Variants in DRGX observed in about 807,000 individuals in gnomAD.
DRGX encodes dorsal root ganglia homeobox protein.
A neutral mutation model predicts 28.6 loss-of-function variants in DRGX; 21 were observed. The ratio of observed to expected loss-of-function variants is 0.73; its 90% CI spans 0.52 to 1.06. The LOEUF (loss-of-function observed/expected upper bound fraction) is 1.06, where lower values mean the gene tolerates loss of function less well. DRGX is among the 50% of genes least tolerant of loss of function. DRGX has a pLI of 0.00. For synonymous variants in DRGX, 136 were observed against 139.1 expected, an observed-to-expected ratio of 0.98 and a Z score of 0.16; for missense variants, 354 against 343.9, an observed-to-expected ratio of 1.03 and a Z score of -0.23.
chr10:49,364,565 A>C lies in DRGX; in HGVS notation c.*1551T>G, dbSNP rs577649512. On this transcript the variant is annotated 3_prime_UTR_variant, in exon 7 of 7. Coordinates refer to ENST00000374139, the MANE Select transcript of DRGX (RefSeq NM_001276451.2). ...GGGCTTGAGCTTACATCCTTCAACC[A>C]AACATTCGTAATTACAGGGAAACGG... 7 of 152,322 alleles carry C rather than the reference A, an allele frequency of 4.6e-5. No individual in the cohort carries two copies. Among genetic ancestry groups the C allele is most frequent in the African/African-American group, 1.7e-4 (7 of 41,570 alleles). The allele number at this position is 152,322 out of a possible 1,614,324, so 9.4% of individuals were successfully genotyped here. A position where few individuals can be genotyped will look rare whatever the true frequency, so the allele number is the denominator to read the frequency against.
chr10:49,385,266 G>T (rs1417482159), intron 6 of DRGX, among the ~76,000 whole-genome samples: 2 of 152,128 alleles, frequency 1.3e-5, no homozygotes, highest in Non-Finnish European at 2.9e-5. Context: ...TGAGCCAGGG[G>T]ATGCACCCAG....
chr10:49,394,754 G>C (rs375525872), intron 2 of DRGX, among the ~76,000 whole-genome samples: 1 of 152,238 alleles, frequency 6.6e-6, no homozygotes, highest in African/African-American at 2.4e-5. Flanking sequence ...GACACTCAAA[G>C]ATGGAAATTC....
At position 49,365,495 on chromosome 10, in the gene DRGX, T is replaced by C. The variant is rs1474539431; in HGVS notation, c.*621A>G. ...GGCCAGATGTGCCAGTGAGATCTCCTGGGTCAGAGCCACCGTGGTCCTCTG... is the reference window on the plus strand; with the variant it reads ...GGCCAGATGTGCCAGTGAGATCTCCCGGGTCAGAGCCACCGTGGTCCTCTG... On this transcript the variant is annotated 3_prime_UTR_variant, in exon 7 of 7. Coordinates refer to ENST00000374139, the MANE Select transcript of DRGX (RefSeq NM_001276451.2). 5 of 152,332 alleles carry C rather than the reference T, an allele frequency of 3.3e-5. No individual in the cohort carries two copies. The highest frequency in any genetic ancestry group is 7.3e-5 in the Non-Finnish European group (5 of 68,112). 9.4% of individuals were successfully genotyped at this position (152,332 alleles called of 1,614,324 possible).
intron 6 of DRGX, among the ~76,000 whole-genome samples, chr10:49,367,544 C>A (rs1351679592): frequency 6.6e-6 from 1 of 152,138 alleles, no homozygotes; most frequent in Non-Finnish European, 1.5e-5. Flanking sequence ...TGCTTATGGC[C>A]CACAGGTGTC....
chr10:49,390,784 C>T (rs1328390423), intron 3 of DRGX, among the ~76,000 whole-genome samples: 4 of 150,572 alleles, frequency 2.7e-5, no homozygotes, highest in Non-Finnish European at 5.9e-5. Context: ...GCAACTATAC[C>T]TTATCCAAGT....
chr10:49,379,891 C>A (rs1208169942), intron 6 of DRGX, among the ~76,000 whole-genome samples: 1 of 152,250 alleles, frequency 6.6e-6, no homozygotes, highest in African/African-American at 2.4e-5. Flanking sequence ...CAGACTCCAG[C>A]CTATCTGTCC....
At chr10:49,383,634 G>A (rs1397941815) in intron 6 of DRGX, among the ~76,000 whole-genome samples, 3 of 152,216 alleles carry the variant, frequency 2.0e-5, no homozygotes. Context: ...TTGAAATCTT[G>A]TGATGGCGTT....
In DRGX at chr10:49,386,868, A is replaced by G; in HGVS notation, c.235-10T>C. The G allele has an allele frequency of 1.3e-6, 2 of 1,536,352 alleles. No individual in the cohort carries two copies. The highest frequency in any genetic ancestry group is 1.7e-6 in the Non-Finnish European group (2 of 1,145,096). On this transcript the variant is annotated splice_polypyrimidine_tract_variant and intron_variant, in intron 4 of 6. Transcript: ENST00000374139. ...TGTTCTGGAACCAAACCTGAATCCCAGATGGAAACATACACCCAGTGAAAA... is the reference window on the plus strand; with the variant it reads ...TGTTCTGGAACCAAACCTGAATCCCGGATGGAAACATACACCCAGTGAAAA...
chr10:49,373,189 G>T (rs923291547), intron 6 of DRGX, among the ~76,000 whole-genome samples: 3 of 152,104 alleles, frequency 2.0e-5, no homozygotes, highest in African/African-American at 7.2e-5. Flanking sequence ...AAAAAATCAT[G>T]AATCAACCCA....
rs968271348 is a variant in DRGX at position 49,393,167 on chromosome 10, C to T, written c.35-1906G>A. Among the ~76,000 whole-genome samples, 6 of 152,152 alleles carry T rather than the reference C, an allele frequency of 3.9e-5. No individual in the cohort carries two copies. In the East Asian group the frequency reaches 1.2e-3, roughly 29 times the overall value. ...CAAAATGCCCATCAGCAGATGCTTTCTTCACAACATACAATGGAATACTAC... is the reference window on the plus strand; with the variant it reads ...CAAAATGCCCATCAGCAGATGCTTTTTTCACAACATACAATGGAATACTAC... On this transcript the variant is annotated intron_variant, in intron 2 of 6. Coordinates refer to ENST00000374139, the MANE Select transcript of DRGX (RefSeq NM_001276451.2).
At chr10:49,395,775 C>A (rs929242550) in intron 1 of DRGX, among the ~76,000 whole-genome samples, 160 bp downstream of exon 1, 3 of 152,326 alleles carry the variant, frequency 2.0e-5, no homozygotes, top group East Asian at 3.9e-4. Context: ...TAGTTTCTGG[C>A]TCTCTGGGGT....
At position 49,366,075 on chromosome 10, in the gene DRGX, AG is replaced by A; in HGVS notation, c.*40del. 1 of 1,363,044 alleles carries A rather than the reference AG, an allele frequency of 7.3e-7. No homozygotes were observed. 84.4% of individuals were successfully genotyped at this position (1,363,044 alleles called of 1,614,324 possible). Reference sequence around the variant, plus strand: ...TGTAGGGGCTGAGGCTGGGAGAAGGAGGGGCGGGGGAGGGCAGGCCGGGCGG... The same window carrying A: ...TGTAGGGGCTGAGGCTGGGAGAAGGAGGGCGGGGGAGGGCAGGCCGGGCGG... On this transcript the variant is annotated 3_prime_UTR_variant, in exon 7 of 7. Coordinates refer to ENST00000374139, the MANE Select transcript of DRGX (RefSeq NM_001276451.2).
chr10:49,382,032 G>T (rs1030262723), intron 6 of DRGX, among the ~76,000 whole-genome samples: 1 of 152,136 alleles, frequency 6.6e-6, no homozygotes, highest in Non-Finnish European at 1.5e-5. Context: ...GCCCACATTG[G>T]TTCTGGTCTC....
rs776499892 is a variant in DRGX at position 49,381,056 on chromosome 10, A to G, written c.526+5422T>C. On this transcript the variant is annotated intron_variant, in intron 6 of 6. Transcript: ENST00000374139. ...TTTCAGTGATTTACTCAAGATGTGC[A>G]TGGCTACAGAATAGAAGAACTACGG... Among the ~76,000 whole-genome samples, 152 of 152,238 alleles carry G rather than the reference A, an allele frequency of 1.0e-3. 2 individuals are homozygous for G. The highest frequency in any genetic ancestry group is 1.9e-3 in the Non-Finnish European group (129 of 68,046).
rs1170767126 is a variant in DRGX, at chr10:49,364,379, T to C, written c.*1737A>G. On this transcript the variant is annotated 3_prime_UTR_variant, in exon 7 of 7. Coordinates refer to ENST00000374139, the MANE Select transcript of DRGX (RefSeq NM_001276451.2). ...TTATTGACGATCAAAAGTAATTTCC[T>C]GAAAGTCCTCAAGGACACAAAATTT... The C allele has an allele frequency of 2.0e-5, 3 of 152,378 alleles. No homozygotes were observed. The highest frequency in any genetic ancestry group is 2.0e-4 in the Admixed American group (3 of 15,304). The allele number at this position is 152,378 out of a possible 1,614,324, so 9.4% of individuals were successfully genotyped here.
At chr10:49,383,446 CAG>C (rs1361412954) in intron 6 of DRGX, among the ~76,000 whole-genome samples, 1 of 152,112 alleles carries the variant, frequency 6.6e-6, no homozygotes. Flanking sequence ...GGTAGGTATG[CAG>C]AGAGAACTCA....
At chr10:49,369,570 T>C (rs1389615458) in intron 6 of DRGX, among the ~76,000 whole-genome samples, 1 of 151,884 alleles carries the variant, frequency 6.6e-6, no homozygotes, top group African/African-American at 2.4e-5. Flanking sequence ...GAGACAGAAG[T>C]AGAATGACAC....
chr10:49,375,450 A>G (rs1345913190), intron 6 of DRGX, among the ~76,000 whole-genome samples: 2 of 152,208 alleles, frequency 1.3e-5, no homozygotes, highest in African/African-American at 2.4e-5. Flanking sequence ...AAGCTTCCTC[A>G]ATACCCCATG....
intron 4 of DRGX, among the ~76,000 whole-genome samples, chr10:49,387,320 C>T (rs1438491384): frequency 6.6e-6 from 1 of 152,076 alleles, no homozygotes; most frequent in Non-Finnish European, 1.5e-5. Flanking sequence ...TCTGGATACA[C>T]ATCATGACAT....
Sources: allele counts gnomAD v4.1 joint callset (sites outside exome capture counted in the v4.1 genomes callset), GRCh38; gene constraint gnomAD v4.1.1; transcripts MANE v1.5; gene names NCBI Gene and HGNC (gene_info 2026-07-23, HGNC 2026-07-21).